MBD3: variants seen among roughly 807,000 people sequenced by gnomAD.
MBD3 encodes the protein methyl-CpG binding domain protein 3, also known as methyl-CpG-binding domain protein 3.
Under a neutral mutation model 31.2 loss-of-function variants are expected in MBD3, and 13 were observed. The observed-to-expected ratio is 0.42, with a 90% confidence interval of 0.27 to 0.66. The LOEUF (loss-of-function observed/expected upper bound fraction) is 0.66. Ranked by LOEUF, MBD3 falls within the 30% of genes least tolerant of loss-of-function variation. The pLI, the probability that MBD3 is intolerant of heterozygous loss-of-function variation, is 0.26. For missense variants in MBD3, 440 were observed against 426.5 expected (o/e 1.03, Z -0.28); for synonymous variants, 223 against 187.4 (o/e 1.19, Z -1.55).
At position 1,578,134 on chromosome 19, in the gene MBD3, G is replaced by T; in HGVS notation, c.*30C>A. 2 of 790,792 alleles carry T rather than the reference G, an allele frequency of 2.5e-6. No homozygotes were observed. The highest frequency in any genetic ancestry group is 3.9e-6 in the Non-Finnish European group (2 of 507,252). The allele number at this position is 790,792 out of a possible 1,614,324, so 49.0% of individuals were successfully genotyped here. A position where few individuals can be genotyped will look rare whatever the true frequency, so the allele number is the denominator to read the frequency against. ...CCGCGTCTGCAGGCGGCTCCAGCAG[G>T]CAGCACGGGCTCTCGGCAGGGCCTC... On this transcript the variant is annotated 3_prime_UTR_variant, in exon 7 of 7. Transcript: ENST00000434436. This position sits in a 1 kb window ranked among gnomAD's most constrained non-coding sequence, Gnocchi z 6.1.
chr19:1,588,116 A>G (rs1302309002), intron 1 of MBD3, among the ~76,000 whole-genome samples: 1 of 151,952 alleles, frequency 6.6e-6, no homozygotes, highest in Non-Finnish European at 1.5e-5. Context: ...AGGAAGTTTT[A>G]TTTCTCTCCA....
At position 1,592,636 on chromosome 19, in the gene MBD3, C is replaced by G; in HGVS notation, c.-5G>C. On this transcript the variant is annotated 5_prime_UTR_variant, in exon 1 of 7. Coordinates refer to ENST00000434436, the MANE Select transcript of MBD3 (RefSeq NM_001281453.2). ...CTCCCACCTCTTCCGCTCCATTGCG[C>G]CCGGCTCCTCGGCCCGCCGCCGGGC... is the stretch of plus-strand genomic sequence containing the variant. The G allele has an allele frequency of 8.0e-7, 1 of 1,251,164 alleles. No individual in the cohort carries two copies. Among genetic ancestry groups the G allele is most frequent in the South Asian group, 1.6e-5 (1 of 61,600 alleles). 77.5% of individuals were successfully genotyped at this position (1,251,164 alleles called of 1,614,324 possible).
chr19:1,592,432 G>A (rs1244308330), intron 1 of MBD3, 90 bp downstream of exon 1: 6 of 406,176 alleles, frequency 1.5e-5, no homozygotes, highest in Non-Finnish European at 2.2e-5. Context: ...CGGGGCCCAG[G>A]CCGCGGCCCG....
chr19:1,582,473 CCCCTCCTCCTG>C, intron 4 of MBD3, 138 bp downstream of exon 4: 1 of 726,752 alleles, frequency 1.4e-6, no homozygotes, highest in East Asian at 2.7e-5. Context: ...CCCACTGGGT[CCCCTCCTCCTG>C]CCCCAGTCGC....
At chr19:1,579,044 C>T (rs576978509) in intron 5 of MBD3, among the ~76,000 whole-genome samples, 41 of 151,898 alleles carry the variant, frequency 2.7e-4, no homozygotes, top group East Asian at 1.5e-3. Context: ...ATTAGCTGGG[C>T]GTGGTGGCGG....
At chr19:1,583,795 C>T (rs1322081797) in intron 3 of MBD3, among the ~76,000 whole-genome samples, 2 of 152,156 alleles carry the variant, frequency 1.3e-5, no homozygotes, top group Non-Finnish European at 2.9e-5. Flanking sequence ...AACGTGCAAA[C>T]ATTAGACCAT....
At chr19:1,592,145 C>G (rs1407170335) in intron 1 of MBD3, 1 of 152,460 alleles carries the variant, frequency 6.6e-6, no homozygotes, top group East Asian at 1.9e-4. Flanking sequence ...TCGGGCTCCG[C>G]GCCACCCCAG....
intron 1 of MBD3, among the ~76,000 whole-genome samples, chr19:1,587,260 C>T (rs1322913972): frequency 1.3e-5 from 2 of 152,008 alleles, no homozygotes; most frequent in African/African-American, 4.8e-5. Context: ...CCACCGCGCC[C>T]AGCCAATTTT....
intron 1 of MBD3, 70 bp downstream of exon 1, chr19:1,592,452 C>T (rs928647226): frequency 5.6e-6 from 4 of 718,574 alleles, no homozygotes; most frequent in South Asian, 2.3e-5. Context: ...GGGGCAGGGG[C>T]GCCGAGGCCG....
At chr19:1,584,718 C>G (rs764181680) in intron 2 of MBD3, 41 bp from the exon 3 acceptor site, 3 of 1,593,256 alleles carry the variant, frequency 1.9e-6, no homozygotes, top group African/African-American at 2.7e-5. Context: ...GGGGGCGCCC[C>G]GGCGGCGCGG....
rs566666133 is a variant in MBD3, at chr19:1,578,481, G to A, written c.735C>T (p.Ala245=). 45 of 1,610,978 alleles carry A rather than the reference G, an allele frequency of 2.8e-5. No individual in the cohort carries two copies. Among genetic ancestry groups the A allele is most frequent in the Non-Finnish European group, 3.6e-5 (43 of 1,179,896 alleles). The change falls in exon 6 of 7, where the codon GCC becomes GCT. Residue 245 remains alanine (A), a synonymous_variant. Transcript: ENST00000434436. This position sits in a 1 kb window ranked among gnomAD's most constrained non-coding sequence, Gnocchi z 6.1. ...GCTCCTCCACGTGCGCCAGCATGTC[G>A]GCCATCAGCGCCTCCTCCAGCCGCT... is the stretch of plus-strand genomic sequence containing the variant. ...VRKRLEEALM[A]DMLAHVEELA...
At position 1,578,222 on chromosome 19, in the gene MBD3, A is replaced by T. The variant is rs1198840477; in HGVS notation, c.*6-64T>A. 5.3e-6 allele frequency: 8 copies of T among 1,514,726 alleles called. No homozygotes were observed. The highest frequency in any genetic ancestry group is 7.2e-6 in the Non-Finnish European group (8 of 1,111,940). The allele number at this position is 1,514,726 out of a possible 1,614,324, so 93.8% of individuals were successfully genotyped here. On this transcript the variant is annotated intron_variant, in intron 6 of 6. Transcript: ENST00000434436. The surrounding 1 kb of genome is among the most constrained non-coding windows in gnomAD (Gnocchi z 6.1). The stretch of plus-strand genomic sequence containing the variant: ...GGGACGGGGACGCTTGGGCTCTTCT[A>T]GGGAGATGGGAAGCTCTTGGGAGGC...
chr19:1,581,555 C>G (rs756890723), intron 4 of MBD3: 1 of 508,870 alleles, frequency 2.0e-6, no homozygotes, highest in Non-Finnish European at 3.6e-6. Context: ...CCAGCCTGGA[C>G]AACACAGTGA....
At position 1,592,528 on chromosome 19, in the gene MBD3, T is replaced by TA. The variant is rs772591074; in HGVS notation, c.103dup (p.Tyr35LeufsTer3). 2.1e-6 allele frequency: 3 copies of TA among 1,424,652 alleles called. No individual in the cohort carries two copies. The highest frequency in any genetic ancestry group is 1.9e-6 in the Non-Finnish European group (2 of 1,064,518). The allele number at this position is 1,424,652 out of a possible 1,614,324, so 88.3% of individuals were successfully genotyped here. Reference sequence around the variant, plus strand: ...GGCCGGCGCGCTCATTCACCTATAGTAAAAGACATCCCTGTGGCCGGCCGA... The same window carrying TA: ...GGCCGGCGCGCTCATTCACCTATAGTAAAAAGACATCCCTGTGGCCGGCCGA... On this transcript the variant is annotated frameshift_variant, in exon 1 of 7. Coordinates refer to ENST00000434436, the MANE Select transcript of MBD3 (RefSeq NM_001281453.2). LOFTEE classifies it high-confidence loss of function.
chr19:1,592,549 G>A lies in MBD3; in HGVS notation c.83C>T (p.Ala28Val), dbSNP rs146354860. The A allele has an allele frequency of 5.7e-5, 82 of 1,439,546 alleles. No homozygotes were observed. The highest frequency in any genetic ancestry group is 3.8e-4 in the Middle Eastern group (2 of 5,280). 89.2% of individuals were successfully genotyped at this position (1,439,546 alleles called of 1,614,324 possible). The change falls in exon 1 of 7, where the codon GCC (alanine) becomes GTC (valine). Residue 28 changes from alanine (A) to valine (V), a missense_variant. Physicochemically the swap from Ala to Val is moderately conservative, Grantham distance 64 (BLOSUM62 0). This residue lies in a region of MBD3 where 179 missense variants were observed against 134.7 expected (regional missense o/e 1.33). Transcript: ENST00000434436. The part of the protein sequence containing the change: ...EEVPRRSGLS[A>V]GHRDVFYYSP... ...ATAGTAAAAGACATCCCTGTGGCCG[G>A]CCGACAGCCCCGACCTTCTGGGCAC...
intron 1 of MBD3, among the ~76,000 whole-genome samples, chr19:1,589,368 A>G (rs1308378215): frequency 1.4e-5 from 2 of 142,384 alleles, no homozygotes; most frequent in Admixed American, 1.4e-4. Context: ...AAAAAAAAAA[A>G]GAAGGCAGGC....
chr19:1,581,787 T>G (rs1335454039), intron 4 of MBD3: 2 of 189,368 alleles, frequency 1.1e-5, no homozygotes, highest in African/African-American at 4.9e-5. Flanking sequence ...TTTTTTTTTT[T>G]GAGACGGAGT....
chr19:1,578,132 A>G lies in MBD3; in HGVS notation c.*32T>C. ...GACCGCGTCTGCAGGCGGCTCCAGC[A>G]GGCAGCACGGGCTCTCGGCAGGGCC... On this transcript the variant is annotated 3_prime_UTR_variant, in exon 7 of 7. Transcript: ENST00000434436. This position sits in a 1 kb window ranked among gnomAD's most constrained non-coding sequence, Gnocchi z 6.1. The G allele has an allele frequency of 1.3e-6, 1 of 775,500 alleles. No individual in the cohort carries two copies. Among genetic ancestry groups the G allele is most frequent in the Admixed American group, 2.8e-5 (1 of 35,380 alleles). 48.0% of individuals were successfully genotyped at this position (775,500 alleles called of 1,614,324 possible). A position where few individuals can be genotyped will look rare whatever the true frequency, so the allele number is the denominator to read the frequency against.
In MBD3 at chr19:1,582,046, C is replaced by T. The variant is rs532654567; in HGVS notation, c.499+576G>A. On this transcript the variant is annotated intron_variant, in intron 4 of 6. Transcript: ENST00000434436. ...CCTCCCAGAGTGTTGGGATTACAGG[C>T]GTGAGCCACTGCACCTGGCCTTGCT... is the stretch of plus-strand genomic sequence containing the variant. 8.5e-5 allele frequency among the ~76,000 whole-genome samples: 13 copies of T among 152,186 alleles called. No homozygotes were observed. The East Asian group carries it at 1.7e-3, about 20-fold the overall frequency.
Sources: allele counts gnomAD v4.1 joint callset (sites outside exome capture counted in the v4.1 genomes callset), GRCh38; gene constraint gnomAD v4.1.1; regional missense constraint gnomAD v4.1.1; non-coding constraint Gnocchi (gnomAD v3.1); transcripts MANE v1.5; gene names NCBI Gene and HGNC (gene_info 2026-07-23, HGNC 2026-07-21).